The following JARID2 variants were observed in gnomAD, a reference collection of about 807,000 sequenced individuals.
The protein encoded by JARID2 is protein Jumonji.
JARID2 carries 21 observed loss-of-function variants against 125.6 expected under a neutral mutation model. The observed-to-expected ratio is 0.17, with a 90% CI of 0.12 to 0.24. The LOEUF (loss-of-function observed/expected upper bound fraction) is 0.24. Among genes scored for constraint, JARID2 ranks in the 10% least tolerant of loss-of-function variants. The probability of loss-of-function intolerance (pLI) is 1.00; values close to 1 mark genes in which losing one functional copy is unlikely to be tolerated. For missense variants in JARID2, 1,303 were observed against 1,639.6 expected (o/e 0.79, Z 3.55); for synonymous variants, 736 against 661.6 (o/e 1.11, Z -1.73).
intron 3 of JARID2, among the ~76,000 whole-genome samples, chr6:15,421,908 A>T (rs993188469): frequency 6.6e-6 from 1 of 152,214 alleles, no homozygotes; most frequent in Admixed American, 6.5e-5. Flanking sequence ...TCTTGCTGTC[A>T]TGCCTAGTGT....
chr6:15,343,290 T>TAA (rs5874510), intron 1 of JARID2, among the ~76,000 whole-genome samples: 5 of 138,718 alleles, frequency 3.6e-5, no homozygotes, highest in African/African-American at 2.6e-5. Flanking sequence ...GTTAAGGATT[T>TAA]AAAAAAAAAA....
At chr6:15,503,135 C>T (rs13209668) in intron 8 of JARID2, among the ~76,000 whole-genome samples, 31,220 of 152,178 alleles carry the variant, frequency 0.21, 3,757 homozygotes, top group Middle Eastern at 0.36. Context: ...GTGGCCATGG[C>T]GAAGCCCCCA....
At chr6:15,259,625 G>A (rs1163841704) in intron 1 of JARID2, among the ~76,000 whole-genome samples, 1 of 152,090 alleles carries the variant, frequency 6.6e-6, no homozygotes, top group Non-Finnish European at 1.5e-5. Flanking sequence ...TGTTTGCTAG[G>A]GCTCGCTCAT....
At chr6:15,442,606 G>A (rs529294029) in intron 3 of JARID2, among the ~76,000 whole-genome samples, 2 of 152,288 alleles carry the variant, frequency 1.3e-5, no homozygotes, top group East Asian at 3.9e-4. Context: ...TCATAACAAC[G>A]GGGTTATGCC....
At chr6:15,325,598 T>A (rs1762510922) in intron 1 of JARID2, among the ~76,000 whole-genome samples, 1 of 152,256 alleles carries the variant, frequency 6.6e-6, no homozygotes, top group East Asian at 1.9e-4. Flanking sequence ...GGGACTTTGA[T>A]TTCACCAGAG....
chr6:15,255,415 C>CTT (rs1033818389), intron 1 of JARID2, among the ~76,000 whole-genome samples: 2 of 152,058 alleles, frequency 1.3e-5, no homozygotes, highest in Non-Finnish European at 1.5e-5. Context: ...ATTAGGAATT[C>CTT]TTAACAGTAA....
At chr6:15,483,566 G>A (rs1302881569) in intron 5 of JARID2, among the ~76,000 whole-genome samples, 3 of 152,142 alleles carry the variant, frequency 2.0e-5, no homozygotes, top group African/African-American at 7.2e-5. Flanking sequence ...CCCATTAAAT[G>A]TACTGTAGCA....
chr6:15,462,542 T>C (rs941179794), intron 4 of JARID2, among the ~76,000 whole-genome samples: 2 of 152,228 alleles, frequency 1.3e-5, no homozygotes, highest in African/African-American at 4.8e-5. Context: ...GTTGCCCAAG[T>C]CCCTGCCAGC....
At chr6:15,398,166 C>T (rs1343349646) in intron 2 of JARID2, among the ~76,000 whole-genome samples, 1 of 152,110 alleles carries the variant, frequency 6.6e-6, no homozygotes, top group African/African-American at 2.4e-5. Context: ...ATAGGCAAGG[C>T]TTTAGGTTAT....
At chr6:15,519,090 G>A (rs1561922846) in intron 17 of JARID2, among the ~76,000 whole-genome samples, 2 of 152,212 alleles carry the variant, frequency 1.3e-5, no homozygotes, top group Admixed American at 6.5e-5. Context: ...TGAGAGCACT[G>A]GTCTGGGGCA....
intron 1 of JARID2, among the ~76,000 whole-genome samples, chr6:15,267,369 A>T (rs1483395946): frequency 6.6e-6 from 1 of 152,220 alleles, no homozygotes; most frequent in Non-Finnish European, 1.5e-5. Flanking sequence ...AGCAAAAGGC[A>T]TGTCAGCAAC....
intron 14 of JARID2, 146 bp downstream of exon 14, chr6:15,512,536 G>GT: frequency 1.2e-6 from 1 of 812,298 alleles, no homozygotes; most frequent in Non-Finnish European, 2.0e-6. Flanking sequence ...TTAAGACGTG[G>GT]TTGAAAGGTC....
chr6:15,248,367 A>G (rs1443804208), intron 1 of JARID2: 1 of 100,908 alleles, frequency 9.9e-6, no homozygotes, highest in Non-Finnish European at 2.1e-5. Context: ...GGCGGGCAGG[A>G]GGGCGGGTGG....
At position 15,501,307 on chromosome 6, in the gene JARID2, G is replaced by T. The variant is rs561317616; in HGVS notation, c.2346G>T (p.Leu782Phe). ...TCAAGGAGGTGGGCCAGGCCCAGTT[G>T]AAGACTGGCCGGCGGCGACTCTTCG... ...SKLKEVGQAQ[L>F]KTGRRRLFAQ... The change falls in exon 8 of 18, where the codon TTG becomes TTT. Residue 782 changes from leucine (L) to phenylalanine (F), a missense_variant. By Grantham distance (22) the Leu-to-Phe change is conservative. Coordinates refer to ENST00000341776, the MANE Select transcript of JARID2 (RefSeq NM_004973.4). 4.8e-5 allele frequency: 77 copies of T among 1,611,992 alleles called. No individual in the cohort carries two copies. The highest frequency in any genetic ancestry group is 6.0e-5 in the Non-Finnish European group (71 of 1,178,680).
At chr6:15,324,761 T>C (rs541412599) in intron 1 of JARID2, among the ~76,000 whole-genome samples, 18 of 151,604 alleles carry the variant, frequency 1.2e-4, no homozygotes, top group Admixed American at 3.3e-4. Flanking sequence ...AGTGCTGGGA[T>C]TGCAAGTGTG....
At position 15,347,979 on chromosome 6, in the gene JARID2, C is replaced by T. The variant is rs373057232; in HGVS notation, c.46-26138C>T. ...ATTTTGCCCAGGCTGGTCTTGAACTCCTGGGCTCAAGAGGAAGCATCCAAA... is the reference window on the plus strand; with the variant it reads ...ATTTTGCCCAGGCTGGTCTTGAACTTCTGGGCTCAAGAGGAAGCATCCAAA... On this transcript the variant is annotated intron_variant, in intron 1 of 17. Transcript: ENST00000341776. Among the ~76,000 whole-genome samples, 43 of 152,256 alleles carry T rather than the reference C, an allele frequency of 2.8e-4. No homozygotes were observed. In the East Asian group the frequency reaches 3.3e-3, roughly 12 times the overall value.
intron 1 of JARID2, chr6:15,249,083 C>T (rs763933025): frequency 1.1e-4 from 40 of 354,780 alleles, no homozygotes; most frequent in East Asian, 3.3e-4. Flanking sequence ...TTTTCACTTC[C>T]TCTGTTCCAG....
chr6:15,400,186 C>T (rs956239100), intron 2 of JARID2, among the ~76,000 whole-genome samples: 3 of 152,064 alleles, frequency 2.0e-5, no homozygotes, highest in South Asian at 2.1e-4. Context: ...GAGGGGCCTG[C>T]GCAGGGCAGG....
chr6:15,281,965 T>TGTG (rs1554118830), intron 1 of JARID2, among the ~76,000 whole-genome samples: 1 of 140,372 alleles, frequency 7.1e-6, no homozygotes, highest in Non-Finnish European at 1.6e-5. Context: ...TGTGTGTGTG[T>TGTG]TTGAGACAGA....
Sources: gnomAD v4.1 joint callset for allele counts (sites outside exome capture counted in the v4.1 genomes callset) on GRCh38, gnomAD v4.1.1 for gene constraint, MANE v1.5 for transcripts, NCBI Gene and HGNC (gene_info 2026-07-23, HGNC 2026-07-21) for gene names.